Variants in SEMA6A observed in about 807,000 individuals in gnomAD.
SEMA6A encodes the protein semaphorin-6A.
SEMA6A carries 25 observed loss-of-function variants against 96.8 expected under a neutral mutation model. The observed-to-expected ratio is 0.26, with a 90% CI of 0.19 to 0.36. SEMA6A has a LOEUF of 0.36. Among genes scored for constraint, SEMA6A ranks in the 10% least tolerant of loss-of-function variants. The pLI, the probability that SEMA6A is intolerant of heterozygous loss-of-function variation, is 1.00. For missense variants in SEMA6A, 1,363 were observed against 1,323.1 expected, an observed-to-expected ratio of 1.03 and a Z score of -0.47; for synonymous variants, 612 against 518.0, an observed-to-expected ratio of 1.18 and a Z score of -2.46.
chr5:116,532,368 G>C (rs776239110), intron 1 of SEMA6A, among the ~76,000 whole-genome samples: 3 of 152,320 alleles, frequency 2.0e-5, no homozygotes, highest in Non-Finnish European at 1.5e-5. Flanking sequence ...AAGTCACTGA[G>C]ATACTTTTAT....
At chr5:116,474,278 G>GCACGCACACACACA (rs1554083460) in intron 16 of SEMA6A, among the ~76,000 whole-genome samples, 7 of 147,300 alleles carry the variant, frequency 4.8e-5, no homozygotes, top group Non-Finnish European at 7.5e-5. Context: ...GTGCACGCAT[G>GCACGCACACACACA]CACACACACA....
chr5:116,556,271 C>T (rs543999182), intron 1 of SEMA6A, among the ~76,000 whole-genome samples: 1 of 152,100 alleles, frequency 6.6e-6, no homozygotes, highest in Non-Finnish European at 1.5e-5. Flanking sequence ...TATTTTAAAC[C>T]ATGCTCTGAC....
intron 18 of SEMA6A, among the ~76,000 whole-genome samples, chr5:116,465,206 G>C (rs182310952): frequency 1.3e-5 from 2 of 152,114 alleles, no homozygotes; most frequent in African/African-American, 2.4e-5. Flanking sequence ...TCACAGATTC[G>C]TTCAAGTTAA....
intron 18 of SEMA6A, among the ~76,000 whole-genome samples, chr5:116,458,488 G>T (rs1048817618): frequency 6.6e-6 from 1 of 152,124 alleles, no homozygotes; most frequent in Non-Finnish European, 1.5e-5. Context: ...GAGATTAAAG[G>T]TGAGAAGCAC....
chr5:116,448,320 G>GCGAGTACAGACAGCCTAGCGAGTAC (rs1232338916), intron 18 of SEMA6A, among the ~76,000 whole-genome samples: 22 of 152,196 alleles, frequency 1.4e-4, no homozygotes, highest in Admixed American at 5.2e-4. Context: ...ACTCCAGCCT[G>GCGAGTACAGACAGCCTAGCGAGTAC]GGTGACAGAG....
intron 1 of SEMA6A, among the ~76,000 whole-genome samples, chr5:116,551,317 T>TACACACACACACACACACACACACAC (rs66523615): frequency 7.0e-6 from 1 of 142,414 alleles, no homozygotes; most frequent in East Asian, 2.2e-4. Flanking sequence ...AGTCTTAGCA[T>TACACACACACACACACACACACACAC]ACACACACAC....
intron 1 of SEMA6A, among the ~76,000 whole-genome samples, chr5:116,514,461 T>A (rs1451634247): frequency 1.3e-5 from 2 of 152,196 alleles, no homozygotes; most frequent in Non-Finnish European, 2.9e-5. Context: ...CACTTTTTAA[T>A]GGGGTTGTTT....
chr5:116,572,453 T>C (rs956502850), intron 1 of SEMA6A, among the ~76,000 whole-genome samples: 10 of 152,206 alleles, frequency 6.6e-5, no homozygotes, highest in Admixed American at 3.3e-4. Context: ...GCCCCGGCTG[T>C]GAAGACAGCG....
At chr5:116,489,076 C>T in intron 7 of SEMA6A, 69 bp from the exon 8 acceptor site, 5 of 1,469,264 alleles carry the variant, frequency 3.4e-6, no homozygotes, top group South Asian at 1.4e-5. Flanking sequence ...ATAATAAAGA[C>T]ATCCCCTAGA....
chr5:116,451,585 G>A (rs1186800211), intron 18 of SEMA6A, among the ~76,000 whole-genome samples: 3 of 151,946 alleles, frequency 2.0e-5, no homozygotes, highest in Non-Finnish European at 2.9e-5. Context: ...ACATTTTTTC[G>A]GCATTTATAA....
At chr5:116,517,724 TATC>T (rs978262762) in intron 1 of SEMA6A, among the ~76,000 whole-genome samples, 2 of 152,204 alleles carry the variant, frequency 1.3e-5, no homozygotes, top group Non-Finnish European at 2.9e-5. Context: ...AAGTAAGTGA[TATC>T]ATCCAGAAGC....
chr5:116,550,538 G>T (rs1245017064), intron 1 of SEMA6A: 1 of 152,196 alleles, frequency 6.6e-6, no homozygotes, highest in Non-Finnish European at 1.5e-5. Context: ...TCTCAGAAAT[G>T]TTGATCTAAT....
intron 18 of SEMA6A, among the ~76,000 whole-genome samples, chr5:116,466,865 G>A (rs537088871): frequency 6.6e-6 from 1 of 152,296 alleles, no homozygotes; most frequent in East Asian, 1.9e-4. Flanking sequence ...AACTAAAGTA[G>A]GATGTGTTAC....
intron 9 of SEMA6A, among the ~76,000 whole-genome samples, chr5:116,487,490 G>A (rs1027377240): frequency 6.6e-6 from 1 of 151,724 alleles, no homozygotes; most frequent in Non-Finnish European, 1.5e-5. Flanking sequence ...ATACTGCATA[G>A]TTACAGTCTC....
At chr5:116,544,795 GT>G (rs1760115920) in intron 1 of SEMA6A, among the ~76,000 whole-genome samples, 1 of 152,202 alleles carries the variant, frequency 6.6e-6, no homozygotes, top group South Asian at 2.1e-4. Context: ...GGGGAAAACA[GT>G]TTATTTACAT....
chr5:116,448,170 TAAAA>T (rs59202921), intron 18 of SEMA6A, among the ~76,000 whole-genome samples: 5 of 119,548 alleles, frequency 4.2e-5, no homozygotes, highest in African/African-American at 7.3e-5. Context: ...CCGTCTCTAC[TAAAA>T]AAAAAAAAAA....
At chr5:116,483,213 C>T (rs1207567105) in intron 10 of SEMA6A, among the ~76,000 whole-genome samples, 1 of 152,190 alleles carries the variant, frequency 6.6e-6, no homozygotes, top group East Asian at 1.9e-4. Flanking sequence ...TAATGGCCAT[C>T]AGCTCCACCT....
At chr5:116,562,068 G>A (rs150792820) in intron 1 of SEMA6A, among the ~76,000 whole-genome samples, 2 of 152,254 alleles carry the variant, frequency 1.3e-5, no homozygotes, top group Non-Finnish European at 2.9e-5. Flanking sequence ...TTGGACAAAG[G>A]TGGGATCATG....
intron 3 of SEMA6A, among the ~76,000 whole-genome samples, chr5:116,500,121 T>C (rs1380400877): frequency 6.6e-6 from 1 of 152,224 alleles, no homozygotes; most frequent in East Asian, 1.9e-4. Context: ...AAGGAGCTGG[T>C]ATTCTATCAG....
Sources: gnomAD v4.1 joint callset for allele counts (sites outside exome capture counted in the v4.1 genomes callset) on GRCh38, gnomAD v4.1.1 for gene constraint, MANE v1.5 for transcripts, NCBI Gene and HGNC (gene_info 2026-07-23, HGNC 2026-07-21) for gene names.